RHEX: variants seen among roughly 807,000 people sequenced by gnomAD.
The protein encoded by RHEX is regulator of hemoglobinization and erythroid cell expansion.
In RHEX, 18 loss-of-function variants were observed where a neutral mutation model predicts 20.1. That is an observed-to-expected ratio of 0.90 (90% CI 0.62 to 1.33). The LOEUF is 1.33. Ranked by LOEUF, RHEX falls within the 40% of genes most tolerant of loss-of-function variation. RHEX has a pLI of 0.00. For missense variants in RHEX, 192 were observed against 214.3 expected (o/e 0.90, Z 0.65); for synonymous variants, 87 against 77.1 (o/e 1.13, Z -0.67).
At position 206,057,448 on chromosome 1, in the gene RHEX, C is replaced by A. The variant is rs188357752; in HGVS notation, c.-97+4183C>A. Among the ~76,000 whole-genome samples, 598 of 152,342 alleles carry A rather than the reference C, an allele frequency of 3.9e-3. 10 individuals carry two copies. Among genetic ancestry groups the A allele is most frequent in the South Asian group, 0.037 (180 of 4,824 alleles). ...GCAGCTTAGTTGTCTTGGGCAAAAG[C>A]TGTATAATGGTACCACAAAAACAGT... On this transcript the variant is annotated intron_variant, in intron 1 of 5. Coordinates refer to ENST00000331555, the MANE Select transcript of RHEX (RefSeq NM_001007544.4).
intron 1 of RHEX, chr1:206,083,467 G>A (rs1259254179): frequency 2.0e-6 from 2 of 984,526 alleles, no homozygotes; most frequent in Non-Finnish European, 2.4e-6. Context: ...TGTACTCAAC[G>A]AGCGAGATTG....
intron 1 of RHEX, among the ~76,000 whole-genome samples, chr1:206,078,514 T>G (rs1047933501): frequency 6.6e-6 from 1 of 152,162 alleles, no homozygotes; most frequent in Non-Finnish European, 1.5e-5. Context: ...CGAGCCATGA[T>G]CATGCCACTG....
chr1:206,091,640 T>C (rs1662952456), intron 1 of RHEX, among the ~76,000 whole-genome samples: 1 of 152,194 alleles, frequency 6.6e-6, no homozygotes, highest in Non-Finnish European at 1.5e-5. Flanking sequence ...AGTCAGTTGG[T>C]TTAGGAAACA....
intron 1 of RHEX, among the ~76,000 whole-genome samples, chr1:206,085,197 T>C (rs1327298021): frequency 6.6e-6 from 1 of 152,206 alleles, no homozygotes; most frequent in African/African-American, 2.4e-5. Context: ...ACATTTATTA[T>C]ATGCAAATTG....
intron 1 of RHEX, among the ~76,000 whole-genome samples, chr1:206,058,181 T>C (rs1014321596): frequency 4.0e-4 from 61 of 152,354 alleles, no homozygotes; most frequent in African/African-American, 1.2e-3. Context: ...TTCCCAGCAA[T>C]AGGTGGATTT....
chr1:206,085,093 T>G (rs1662812473), intron 1 of RHEX, among the ~76,000 whole-genome samples: 1 of 152,228 alleles, frequency 6.6e-6, no homozygotes, highest in African/African-American at 2.4e-5. Flanking sequence ...TTTCTTCAAC[T>G]GGAAAATAAG....
rs548428293 is a variant in RHEX, at chr1:206,079,873, A to T, written c.-96-17860A>T. 4.6e-5 allele frequency among the ~76,000 whole-genome samples: 7 copies of T among 152,366 alleles called. No homozygotes were observed. In the East Asian group the frequency reaches 1.3e-3, roughly 29 times the overall value. ...CCACCAGCAAGGCAAAATATTTAGC[A>T]GCTATTGCAAGTACTATGAAAACTC... is the stretch of plus-strand genomic sequence containing the variant. On this transcript the variant is annotated intron_variant, in intron 1 of 5. Coordinates refer to ENST00000331555, the MANE Select transcript of RHEX (RefSeq NM_001007544.4).
chr1:206,085,768 A>G (rs1054262394), intron 1 of RHEX, among the ~76,000 whole-genome samples: 4 of 152,200 alleles, frequency 2.6e-5, no homozygotes, highest in Non-Finnish European at 5.9e-5. Flanking sequence ...ACAAAATGTC[A>G]GAACTGAATT....
rs1411664557 is a variant in RHEX, at chr1:206,053,594, TA to T, written c.-97+338del. ...AAGCCCACCCCACTAGGAACTATGTTAAAAAAAAATTCAAGAAAGAATTTAA... is the reference window on the plus strand; with the variant it reads ...AAGCCCACCCCACTAGGAACTATGTTAAAAAAAATTCAAGAAAGAATTTAA... On this transcript the variant is annotated intron_variant, in intron 1 of 5. Transcript: ENST00000331555. 2.4e-4 allele frequency among the ~76,000 whole-genome samples: 36 copies of T among 152,054 alleles called. 3 individuals are homozygous for T. In the South Asian group the frequency reaches 4.4e-3, roughly 18 times the overall value.
chr1:206,063,636 C>T (rs936117064), intron 1 of RHEX, among the ~76,000 whole-genome samples: 1 of 152,276 alleles, frequency 6.6e-6, no homozygotes, highest in Non-Finnish European at 1.5e-5. Context: ...GTGAGTCATC[C>T]GCCAGCCTCG....
At chr1:206,054,379 GT>G (rs1476218124) in intron 1 of RHEX, among the ~76,000 whole-genome samples, 12 of 152,354 alleles carry the variant, frequency 7.9e-5, no homozygotes, top group African/African-American at 2.6e-4. Context: ...AACAGTTTAT[GT>G]GCAAGGTGTA....
intron 1 of RHEX, among the ~76,000 whole-genome samples, chr1:206,059,660 T>C (rs1034458372): frequency 2.0e-5 from 3 of 152,152 alleles, no homozygotes; most frequent in Non-Finnish European, 4.4e-5. Flanking sequence ...ACTCCAGTCC[T>C]GGCTACAGCA....
intron 1 of RHEX, among the ~76,000 whole-genome samples, chr1:206,072,869 T>C (rs1275565111): frequency 6.8e-6 from 1 of 147,988 alleles, no homozygotes; most frequent in African/African-American, 2.5e-5. Context: ...TCTCGCTCTG[T>C]CACCTAGGCT....
intron 1 of RHEX, among the ~76,000 whole-genome samples, chr1:206,056,168 A>T (rs1662191641): frequency 6.6e-6 from 1 of 152,166 alleles, no homozygotes; most frequent in African/African-American, 2.4e-5. Context: ...GTGTAGAGGT[A>T]TTGGACTCAG....
At chr1:206,084,389 C>T (rs1308037704) in intron 1 of RHEX, among the ~76,000 whole-genome samples, 2 of 152,170 alleles carry the variant, frequency 1.3e-5, no homozygotes, top group African/African-American at 4.8e-5. Context: ...CAGATTGGCC[C>T]ATTTATTCCT....
chr1:206,083,863 C>G (rs1558176291), intron 1 of RHEX, among the ~76,000 whole-genome samples: 1 of 152,212 alleles, frequency 6.6e-6, no homozygotes, highest in African/African-American at 2.4e-5. Flanking sequence ...TCTGTCTACA[C>G]TAGCAACAGC....
chr1:206,056,810 A>T (rs1345110261), intron 1 of RHEX, among the ~76,000 whole-genome samples: 1 of 152,266 alleles, frequency 6.6e-6, no homozygotes, highest in African/African-American at 2.4e-5. Context: ...AAAGTTACAC[A>T]GTAAAAAAAA....
At chr1:206,059,556 G>C (rs892157517) in intron 1 of RHEX, among the ~76,000 whole-genome samples, 1 of 152,130 alleles carries the variant, frequency 6.6e-6, no homozygotes, top group Non-Finnish European at 1.5e-5. Flanking sequence ...ATCTGCTATA[G>C]GGCTGAATCA....
intron 1 of RHEX, among the ~76,000 whole-genome samples, chr1:206,082,525 A>AG (rs1192549709): frequency 6.6e-6 from 1 of 152,156 alleles, no homozygotes; most frequent in African/African-American, 2.4e-5. Flanking sequence ...CTCAAAAAAA[A>AG]AAAAAAAGTT....
Sources: allele counts gnomAD v4.1 joint callset (sites outside exome capture counted in the v4.1 genomes callset), GRCh38; gene constraint gnomAD v4.1.1; transcripts MANE v1.5; gene names NCBI Gene and HGNC (gene_info 2026-07-23, HGNC 2026-07-21).